The following IRAK1 variants were observed in gnomAD, a reference collection of about 807,000 sequenced individuals.
The protein encoded by IRAK1 is interleukin 1 receptor associated kinase 1.
In IRAK1, 9 loss-of-function variants were observed where a neutral mutation model predicts 49.8. That is an observed-to-expected ratio of 0.18 (90% CI 0.11 to 0.32). IRAK1 has a LOEUF of 0.32. Ranked by LOEUF, IRAK1 falls within the 10% of genes least tolerant of loss-of-function variation. The probability of loss-of-function intolerance (pLI) is 1.00; values close to 1 mark genes in which losing one functional copy is unlikely to be tolerated. For synonymous variants in IRAK1, 282 were observed against 270.8 expected, an observed-to-expected ratio of 1.04 and a Z score of -0.41; for missense variants, 418 against 600.5, an observed-to-expected ratio of 0.70 and a Z score of 3.18.
Position 154,017,812 on chromosome X carries a change from AAAAAAAAAAAAAAAT to A in IRAK1, c.909+179_909+193del, listed in dbSNP as rs1202825655. Among the ~76,000 whole-genome samples, 57 of 97,267 alleles carry A rather than the reference AAAAAAAAAAAAAAAT, an allele frequency of 5.9e-4. No individual in the cohort carries two copies. The South Asian group carries it at 0.02, about 35-fold the overall frequency. 84.5% of individuals were successfully genotyped at this position (97,267 alleles called of 115,157 possible). On this transcript the variant is annotated intron_variant, in intron 7 of 13. Transcript: ENST00000369980. ...CTCCACCTCAAAAAAAAAAAAAAAA[AAAAAAAAAAAAAAAT>A]TGACCCCACCGTGGGCCAAATCCTG...
chrX:154,019,828 G>T lies in IRAK1; in HGVS notation c.-16C>A. 1.2e-6 allele frequency: 1 copy of T among 816,053 alleles called. No individual in the cohort carries two copies. The highest frequency in any genetic ancestry group is 1.5e-6 in the Non-Finnish European group (1 of 677,225). The allele number at this position is 816,053 out of a possible 1,213,427, so 67.3% of individuals were successfully genotyped here. On this transcript the variant is annotated 5_prime_UTR_variant, in exon 1 of 14. Transcript: ENST00000369980. ...CCCCGGCCATGGCTGCCGCCGCCGG[G>T]CCGGGACCTGCCGGGGCCTCTCAGG...
intron 6 of IRAK1, 58 bp from the exon 7 acceptor site, chrX:154,018,178 G>A: frequency 9.1e-7 from 1 of 1,094,977 alleles, no homozygotes; most frequent in Admixed American, 2.3e-5. Flanking sequence ...AGCCCTGGCT[G>A]GGGCCTCAGC....
At chrX:154,014,368 TG>T in intron 10 of IRAK1, 90 bp from the exon 11 acceptor site, 1 of 669,249 alleles carries the variant, frequency 1.5e-6, no homozygotes, top group South Asian at 3.1e-5. Flanking sequence ...GTATGGGTTT[TG>T]ATAAAAAAAA....
At chrX:154,017,521 C>T (rs1557129668) in intron 7 of IRAK1, among the ~76,000 whole-genome samples, 1 of 111,912 alleles carries the variant, frequency 8.9e-6, no homozygotes, top group Non-Finnish European at 1.9e-5. Flanking sequence ...TCGGGCCAGG[C>T]GTGGTGGCTC....
chrX:154,013,982 G>T, intron 11 of IRAK1, 60 bp downstream of exon 11: 1 of 1,165,700 alleles, frequency 8.6e-7, no homozygotes, highest in Admixed American at 2.7e-5. Flanking sequence ...TCACTACAGA[G>T]CAAGGCCTGG....
At position 154,019,695 on chromosome X, in the gene IRAK1, C is replaced by A; in HGVS notation, c.118G>T (p.Ala40Ser). The stretch of plus-strand genomic sequence containing the variant: ...CACCCACCGAACTGGCACCAGTCGG[C>A]GGGCTCCAGGGCGTCCATCACTTTG... ...FYKVMDALEPADWCQFAALIV... is the reference protein window; with the variant it reads ...FYKVMDALEPSDWCQFAALIV... Residue 40 changes from alanine to serine, a missense_variant, in exon 1 of 14, where the codon GCC becomes TCC. By Grantham distance (99) the Ala-to-Ser change is moderately conservative. This residue lies in a region of IRAK1 where 21 missense variants were observed against 84.9 expected (regional missense o/e 0.25). Coordinates refer to ENST00000369980, the MANE Select transcript of IRAK1 (RefSeq NM_001569.4). 7.1e-6 allele frequency: 7 copies of A among 985,520 alleles called. No homozygotes were observed. Among genetic ancestry groups the A allele is most frequent in the Non-Finnish European group, 8.9e-6 (7 of 782,935 alleles). 81.2% of individuals were successfully genotyped at this position (985,520 alleles called of 1,213,427 possible).
chrX:154,019,336 G>A lies in IRAK1; in HGVS notation c.305-8C>T. 2.6e-6 allele frequency: 3 copies of A among 1,155,446 alleles called. No homozygotes were observed. Among genetic ancestry groups the A allele is most frequent in the Non-Finnish European group, 3.5e-6 (3 of 866,775 alleles). ...GCGGGGCGGGAGGGTGCCCTGGGAC[G>A]CCAAGGAAGGAAAGGAAGGTTGAGG... On this transcript the variant is annotated splice_polypyrimidine_tract_variant and splice_region_variant and intron_variant, in intron 2 of 13. Coordinates refer to ENST00000369980, the MANE Select transcript of IRAK1 (RefSeq NM_001569.4).
At chrX:154,014,520 A>G in intron 10 of IRAK1, 1 of 372,389 alleles carries the variant, frequency 2.7e-6, no homozygotes. Context: ...TGGTCTTTCT[A>G]CAACTTACTT....
Position 154,018,164 on chromosome X carries a change from G to A in IRAK1, c.795-44C>T, listed in dbSNP as rs202181740. ...CACTTTCCATCAGGCCAGACTGGGTGGGCAGCCCTGGCTGGGGCCTCAGCT... is the reference window on the plus strand; with the variant it reads ...CACTTTCCATCAGGCCAGACTGGGTAGGCAGCCCTGGCTGGGGCCTCAGCT... On this transcript the variant is annotated intron_variant, in intron 6 of 13. Coordinates refer to ENST00000369980, the MANE Select transcript of IRAK1 (RefSeq NM_001569.4). 415 of 1,107,382 alleles carry A rather than the reference G, an allele frequency of 3.7e-4. 2 individuals carry two copies. The African/African-American group carries it at 6.9e-3, about 18-fold the overall frequency. 91.3% of individuals were successfully genotyped at this position (1,107,382 alleles called of 1,213,427 possible).
chrX:154,015,017 C>T (rs781910532), intron 10 of IRAK1, among the ~76,000 whole-genome samples: 36 of 111,513 alleles, frequency 3.2e-4, no homozygotes, highest in Non-Finnish European at 1.3e-4. Context: ...AGGGTGGAAA[C>T]AGGACCGGAG....
chrX:154,017,891 C>T (rs1303861425), intron 7 of IRAK1, 115 bp downstream of exon 7: 2 of 521,953 alleles, frequency 3.8e-6, no homozygotes, highest in Non-Finnish European at 6.8e-6. Context: ...GCAGGCCTGG[C>T]CTGCTGGCAG....
chrX:154,014,015 A>T, intron 11 of IRAK1, 27 bp downstream of exon 11: 1 of 1,190,907 alleles, frequency 8.4e-7, no homozygotes. Flanking sequence ...CTATCTGGCC[A>T]CCCCGTCCCA....
chrX:154,015,981 C>T (rs939329926), intron 10 of IRAK1, 51 bp downstream of exon 10: 2 of 1,066,016 alleles, frequency 1.9e-6, no homozygotes, highest in Non-Finnish European at 2.6e-6. Flanking sequence ...GCTGTGCCTG[C>T]TGGCTGCCAG....
chrX:154,013,500 C>A (rs924130150), intron 11 of IRAK1, 67 bp from the exon 12 acceptor site: 1 of 1,056,223 alleles, frequency 9.5e-7, no homozygotes, highest in African/African-American at 1.9e-5. Context: ...CGTGGGCAAA[C>A]CACAGGGCTG....
chrX:154,018,604 T>C lies in IRAK1; in HGVS notation c.724A>G (p.Lys242Glu). The C allele has an allele frequency of 8.3e-7, 1 of 1,203,726 alleles. No homozygotes were observed. The highest frequency in any genetic ancestry group is 1.1e-6 in the Non-Finnish European group (1 of 889,688). Reference protein sequence around the residue: ...RNTVYAVKRLKENADLEWTAV... With the variant: ...RNTVYAVKRLEENADLEWTAV... ...TGCCAGGGTGCGACACTCACCTCCTTCAGCCTCTTCACAGCATACACCGTG... is the reference window on the plus strand; with the variant it reads ...TGCCAGGGTGCGACACTCACCTCCTCCAGCCTCTTCACAGCATACACCGTG... Residue 242 changes from lysine to glutamate, a missense_variant, in exon 5 of 14, where the codon AAG becomes GAG. Physicochemically the swap from Lys to Glu is moderately conservative, Grantham distance 56 (BLOSUM62 1). Coordinates refer to ENST00000369980, the MANE Select transcript of IRAK1 (RefSeq NM_001569.4).
intron 8 of IRAK1, 24 bp downstream of exon 8, chrX:154,016,925 C>A: frequency 9.2e-7 from 1 of 1,091,786 alleles, no homozygotes. Flanking sequence ...CCTGCCCCGG[C>A]AGTTCTCAAG....
Position 154,014,244 on chromosome X carries a change from C to CCAGCCTCCT in IRAK1, c.1328_1336dup (p.Glu443_Ala445dup), listed in dbSNP as rs781808066. 3.3e-6 allele frequency: 4 copies of CCAGCCTCCT among 1,208,495 alleles called. No homozygotes were observed. Among genetic ancestry groups the CCAGCCTCCT allele is most frequent in the Admixed American group, 4.4e-5 (2 of 45,433 alleles). On this transcript the variant is annotated inframe_insertion, in exon 11 of 14. Transcript: ENST00000369980. ...GCTCTGGGTGCTTCTCAAAGCCACT[C>CCAGCCTCCT]CAGCCTCCTCAGCCTCCTCTTCCAC...
chrX:154,019,778 G>A lies in IRAK1; in HGVS notation c.35C>T (p.Ala12Val), dbSNP rs781859481. The change falls in exon 1 of 14, where the codon GCC (alanine) becomes GTC (valine). Residue 12 changes from alanine (A) to valine (V), a missense_variant. Around this residue, in one of 3 missense-constraint regions of IRAK1, gnomAD observed 20 missense variants for 16.1 expected, o/e 1.24. Coordinates refer to ENST00000369980, the MANE Select transcript of IRAK1 (RefSeq NM_001569.4). ...AGGPGPGEPA[A>V]PGAQHFLYEV... ...GTACAAGAAGTGCTGGGCGCCGGGG[G>A]CTGCGGGCTCCCCCGGGCCCGGCCC... 5.5e-6 allele frequency: 5 copies of A among 913,782 alleles called. No individual in the cohort carries two copies. The highest frequency in any genetic ancestry group is 5.4e-6 in the Non-Finnish European group (4 of 740,296). 75.3% of individuals were successfully genotyped at this position (913,782 alleles called of 1,213,427 possible).
At chrX:154,014,352 T>A in intron 10 of IRAK1, 74 bp from the exon 11 acceptor site, 66 of 718,813 alleles carry the variant, frequency 9.2e-5, no homozygotes, top group Non-Finnish European at 1.2e-4. Context: ...TCCTTGTCAC[T>A]CAATCGTATG....
Sources: gnomAD v4.1 joint callset for allele counts (sites outside exome capture counted in the v4.1 genomes callset) on GRCh38, gnomAD v4.1.1 for gene constraint, gnomAD v4.1.1 regional missense constraint, MANE v1.5 for transcripts, NCBI Gene and HGNC (gene_info 2026-07-23, HGNC 2026-07-21) for gene names.